AUTS2: variants seen among roughly 807,000 people sequenced by gnomAD.
AUTS2 encodes the protein autism susceptibility gene 2 protein.
A neutral mutation model predicts 112.4 loss-of-function variants in AUTS2; 17 were observed. The ratio of observed to expected loss-of-function variants is 0.15; its 90% confidence interval spans 0.10 to 0.23. AUTS2 has a LOEUF of 0.23. Among genes scored for constraint, AUTS2 ranks in the 10% least tolerant of loss-of-function variants. The pLI is 1.00. For synonymous variants in AUTS2, 751 were observed against 702.7 expected, an observed-to-expected ratio of 1.07 and a Z score of -1.09; for missense variants, 1,510 against 1,701.6, an observed-to-expected ratio of 0.89 and a Z score of 1.98.
chr7:70,750,946 C>T (rs1788797258), intron 6 of AUTS2, among the ~76,000 whole-genome samples: 2 of 147,328 alleles, frequency 1.4e-5, no homozygotes, highest in South Asian at 4.2e-4. Flanking sequence ...TAGGGTTTAC[C>T]CTAGACCCAC....
chr7:70,047,907 A>G (rs1395095355), intron 2 of AUTS2, among the ~76,000 whole-genome samples: 2 of 152,142 alleles, frequency 1.3e-5, no homozygotes, highest in Non-Finnish European at 2.9e-5. Context: ...AACGCTTGAC[A>G]TAGGACATCT....
chr7:70,203,344 TAAAAAAAAA>T (rs1229996091), intron 4 of AUTS2, among the ~76,000 whole-genome samples: 1 of 110,610 alleles, frequency 9.0e-6, no homozygotes, highest in Non-Finnish European at 1.8e-5. Context: ...TAGAGTATAA[TAAAAAAAAA>T]AAAAAAAAAG....
At position 70,326,108 on chromosome 7, in the gene AUTS2, C is replaced by CT. The variant is rs566974060; in HGVS notation, c.661-109634dup. Among the ~76,000 whole-genome samples, 15 of 149,964 alleles carry CT rather than the reference C, an allele frequency of 1.0e-4. No homozygotes were observed. The East Asian group carries it at 1.2e-3, about 12-fold the overall frequency. On this transcript the variant is annotated intron_variant, in intron 4 of 18. Transcript: ENST00000342771. ...GAGGCAATCACAGTCCCAGGATGAA[C>CT]TTTTTTTTTTGTCCCTGAAAGGGGC... is the stretch of plus-strand genomic sequence containing the variant.
chr7:69,943,006 C>T (rs954450222), intron 2 of AUTS2, among the ~76,000 whole-genome samples: 1 of 152,156 alleles, frequency 6.6e-6, no homozygotes, highest in African/African-American at 2.4e-5. Context: ...TGTTCTTTCC[C>T]TAGCCAAATC....
At chr7:70,462,284 T>C (rs897030828) in intron 5 of AUTS2, among the ~76,000 whole-genome samples, 4 of 151,648 alleles carry the variant, frequency 2.6e-5, no homozygotes, top group African/African-American at 9.7e-5. Context: ...AATAATAAAA[T>C]AAAGTGGATA....
intron 1 of AUTS2, among the ~76,000 whole-genome samples, chr7:69,663,854 A>G (rs527394199): frequency 6.6e-6 from 1 of 152,350 alleles, no homozygotes; most frequent in Admixed American, 6.5e-5. Context: ...CATGTATTAA[A>G]TATTCAACCA....
At chr7:70,741,623 G>A (rs760985875) in intron 6 of AUTS2, among the ~76,000 whole-genome samples, 6 of 151,684 alleles carry the variant, frequency 4.0e-5, no homozygotes, top group African/African-American at 7.3e-5. Flanking sequence ...CCCGGGAGGC[G>A]GAGGTTGAGG....
chr7:69,757,997 G>A (rs954396351), intron 1 of AUTS2, among the ~76,000 whole-genome samples: 3 of 152,252 alleles, frequency 2.0e-5, no homozygotes, highest in Admixed American at 2.0e-4. Flanking sequence ...CACTTAACTA[G>A]GTCAGCCTAG....
chr7:70,519,259 A>C (rs954830791), intron 5 of AUTS2, among the ~76,000 whole-genome samples: 7 of 152,318 alleles, frequency 4.6e-5, no homozygotes, highest in Admixed American at 2.0e-4. Flanking sequence ...TAATAAAGTT[A>C]AAGGAAAGTT....
intron 5 of AUTS2, among the ~76,000 whole-genome samples, chr7:70,459,824 C>T (rs1296902948): frequency 1.3e-5 from 2 of 152,150 alleles, no homozygotes; most frequent in East Asian, 1.9e-4. Flanking sequence ...AGACTCCTTC[C>T]GGGATAAGCC....
At chr7:70,688,946 G>C (rs1278263941) in intron 5 of AUTS2, among the ~76,000 whole-genome samples, 1 of 152,230 alleles carries the variant, frequency 6.6e-6, no homozygotes, top group African/African-American at 2.4e-5. Flanking sequence ...TTGGGATGCT[G>C]CTATTTTATG....
chr7:70,700,140 T>G (rs1000378751), intron 6 of AUTS2, among the ~76,000 whole-genome samples: 1 of 151,378 alleles, frequency 6.6e-6, no homozygotes, highest in Non-Finnish European at 1.5e-5. Context: ...CTCTTCCCTC[T>G]GGTTCTTTCC....
intron 5 of AUTS2, among the ~76,000 whole-genome samples, chr7:70,452,979 C>G (rs1334301857): frequency 1.3e-5 from 2 of 152,162 alleles, no homozygotes; most frequent in Non-Finnish European, 1.5e-5. Context: ...TCTTCTCCAG[C>G]CTCCTGGGCC....
chr7:70,630,452 G>A (rs181302939), intron 5 of AUTS2, among the ~76,000 whole-genome samples: 10 of 152,316 alleles, frequency 6.6e-5, no homozygotes, highest in Admixed American at 5.2e-4. Flanking sequence ...CTCGGCTCCC[G>A]TGAACGGGGC....
intron 1 of AUTS2, among the ~76,000 whole-genome samples, chr7:69,848,520 G>T (rs1792315203): frequency 6.6e-6 from 1 of 152,156 alleles, no homozygotes; most frequent in South Asian, 2.1e-4. Context: ...ACACACAGTG[G>T]CTTCCTGCCC....
intron 1 of AUTS2, among the ~76,000 whole-genome samples, chr7:69,698,362 T>C (rs1000460116): frequency 6.6e-6 from 1 of 152,206 alleles, no homozygotes; most frequent in Non-Finnish European, 1.5e-5. Context: ...CCTTATTTGC[T>C]ACTTATTGAT....
At chr7:70,666,695 C>A (rs1027631224) in intron 5 of AUTS2, among the ~76,000 whole-genome samples, 1 of 151,978 alleles carries the variant, frequency 6.6e-6, no homozygotes, top group South Asian at 2.1e-4. Flanking sequence ...TTCTGTGCAC[C>A]CCCAAGGACA....
At chr7:70,180,133 G>C (rs1453069517) in intron 4 of AUTS2, among the ~76,000 whole-genome samples, 1 of 152,088 alleles carries the variant, frequency 6.6e-6, no homozygotes, top group Non-Finnish European at 1.5e-5. Flanking sequence ...GTATCCTCCA[G>C]GGAAACTAAA....
intron 14 of AUTS2, 62 bp downstream of exon 14, chr7:70,777,236 C>T (rs765167607): frequency 6.9e-5 from 100 of 1,448,944 alleles, no homozygotes; most frequent in Middle Eastern, 1.7e-4. Context: ...GTGACGTGCT[C>T]GGGAGAACCT....
Sources: gnomAD v4.1 joint callset for allele counts (sites outside exome capture counted in the v4.1 genomes callset) on GRCh38, gnomAD v4.1.1 for gene constraint, MANE v1.5 for transcripts, NCBI Gene and HGNC (gene_info 2026-07-23, HGNC 2026-07-21) for gene names.